TRPC4AP: variants seen among roughly 807,000 people sequenced by gnomAD.
TRPC4AP encodes transient receptor potential cation channel subfamily C member 4 associated protein.
Under a neutral mutation model 99.0 loss-of-function variants are expected in TRPC4AP, and 45 were observed. The ratio of observed to expected loss-of-function variants is 0.45; its 90% CI spans 0.36 to 0.58. The LOEUF is 0.58. Among genes scored for constraint, TRPC4AP ranks in the 20% least tolerant of loss-of-function variants. The probability of loss-of-function intolerance (pLI) is 0.00; values close to 1 mark genes in which losing one functional copy is unlikely to be tolerated. For missense variants in TRPC4AP, 879 were observed against 985.3 expected (o/e 0.89, Z 1.44); for synonymous variants, 408 against 385.8 (o/e 1.06, Z -0.67).
intron 9 of TRPC4AP, 53 bp downstream of exon 9, chr20:35,021,137 G>A (rs112446595): frequency 5.7e-6 from 9 of 1,578,754 alleles, no homozygotes; most frequent in African/African-American, 5.4e-5. Flanking sequence ...CATACCATGA[G>A]CACCCGGGCA....
chr20:35,077,650 C>T (rs2084519214), intron 2 of TRPC4AP, among the ~76,000 whole-genome samples: 1 of 152,208 alleles, frequency 6.6e-6, no homozygotes, highest in Non-Finnish European at 1.5e-5. Flanking sequence ...CCCCTTCAAT[C>T]TTCTTACGTT....
chr20:35,049,893 G>A lies in TRPC4AP; in HGVS notation c.630C>T (p.Leu210=), dbSNP rs776010760. Residue 210 remains leucine, a synonymous_variant, in exon 6 of 19, where the codon CTC becomes CTT. Transcript: ENST00000252015. ...SKKTFLQTAT[L]IEDILGVKKE... is the part of the protein sequence containing the mutation. ...TTTTAACACCCAAAATATCTTCAAT[G>A]AGGGTTGCTGTTTGTAAGAATGTCT... 2 of 1,613,814 alleles carry A rather than the reference G, an allele frequency of 1.2e-6. No homozygotes were observed. Among genetic ancestry groups the A allele is most frequent in the South Asian group, 1.1e-5 (1 of 91,016 alleles).
At chr20:35,059,290 C>T (rs549647129) in intron 3 of TRPC4AP, among the ~76,000 whole-genome samples, 4 of 152,156 alleles carry the variant, frequency 2.6e-5, no homozygotes, top group Non-Finnish European at 5.9e-5. Context: ...CTATGAACAA[C>T]TGTATGCCAA....
intron 6 of TRPC4AP, among the ~76,000 whole-genome samples, chr20:35,047,930 T>C (rs2083597488): frequency 6.6e-6 from 1 of 152,102 alleles, no homozygotes. Context: ...ACAAGATATG[T>C]GCCTGTTCAA....
At chr20:35,055,438 T>C (rs997813466) in intron 4 of TRPC4AP, among the ~76,000 whole-genome samples, 3 of 152,244 alleles carry the variant, frequency 2.0e-5, no homozygotes, top group African/African-American at 7.2e-5. Context: ...ATCCTTTTCA[T>C]GTTTGTATTA....
In TRPC4AP at chr20:35,044,781, C is replaced by T. The variant is rs1160473396; in HGVS notation, c.658-69G>A. On this transcript the variant is annotated intron_variant, in intron 6 of 18. Transcript: ENST00000252015. ...CAAGAGATTGGATGTGCCTCTCTTT[C>T]GCATCCCCTTACATACGGGGCTTAG... 1.7e-5 allele frequency: 25 copies of T among 1,497,750 alleles called. No homozygotes were observed. In the East Asian group the frequency reaches 1.8e-4, roughly 11 times the overall value. The allele number at this position is 1,497,750 out of a possible 1,614,324, so 92.8% of individuals were successfully genotyped here.
In TRPC4AP at chr20:35,035,129, T is replaced by C; in HGVS notation, c.1045A>G (p.Asn349Asp). Residue 349 changes from asparagine (N) to aspartate (D), a missense_variant, in exon 8 of 19, where the codon AAT (asparagine) becomes GAT (aspartate). This residue lies in a region of TRPC4AP where 603 missense variants were observed against 631.8 expected (regional missense o/e 0.95). Transcript: ENST00000252015. ...GGGACCCATCCTTCCATACCTTGAT[T>C]GTGCTCTGACTCCTCATTGGCCACT... ...MRVANEESEH[N>D]QASIVFPPPG... The C allele has an allele frequency of 6.2e-7, 1 of 1,613,550 alleles. No homozygotes were observed. The highest frequency in any genetic ancestry group is 8.5e-7 in the Non-Finnish European group (1 of 1,179,686).
At chr20:35,036,786 T>C (rs2083329142) in intron 7 of TRPC4AP, among the ~76,000 whole-genome samples, 1 of 151,714 alleles carries the variant, frequency 6.6e-6, no homozygotes, top group South Asian at 2.1e-4. Context: ...TCTCTACCAA[T>C]AATACAAAAA....
intron 12 of TRPC4AP, 84 bp downstream of exon 12, chr20:35,010,103 T>C: frequency 9.0e-7 from 1 of 1,111,220 alleles, no homozygotes; most frequent in Non-Finnish European, 1.4e-6. Context: ...CACGCGTGCA[T>C]ACCTGGATGT....
chr20:35,018,124 G>A (rs1296474313), intron 9 of TRPC4AP, among the ~76,000 whole-genome samples: 4 of 152,170 alleles, frequency 2.6e-5, no homozygotes, highest in African/African-American at 9.7e-5. Flanking sequence ...TTCATCCAGT[G>A]CAATTGCCTC....
At chr20:35,055,216 C>A (rs1199931631) in intron 4 of TRPC4AP, among the ~76,000 whole-genome samples, 185 bp from the exon 5 acceptor site, 1 of 152,134 alleles carries the variant, frequency 6.6e-6, no homozygotes, top group Non-Finnish European at 1.5e-5. Context: ...CCTACAAGCC[C>A]ATTTGCATAT....
At chr20:35,070,958 CAA>C (rs2084296347) in intron 2 of TRPC4AP, among the ~76,000 whole-genome samples, 1 of 152,192 alleles carries the variant, frequency 6.6e-6, no homozygotes, top group Non-Finnish European at 1.5e-5. Flanking sequence ...GATCACATAG[CAA>C]AGATATACAA....
At chr20:35,091,471 A>G (rs1324154960) in intron 1 of TRPC4AP, among the ~76,000 whole-genome samples, 1 of 152,096 alleles carries the variant, frequency 6.6e-6, no homozygotes, top group Non-Finnish European at 1.5e-5. Context: ...ATAAAGTTAC[A>G]CTGTGAAAAG....
chr20:35,034,785 G>C (rs1251243959), intron 8 of TRPC4AP, among the ~76,000 whole-genome samples: 1 of 152,112 alleles, frequency 6.6e-6, no homozygotes, highest in Non-Finnish European at 1.5e-5. Flanking sequence ...TGAGAGAGAA[G>C]ACTAAGAAAC....
chr20:35,014,768 T>G (rs1270356471), intron 10 of TRPC4AP, among the ~76,000 whole-genome samples: 1 of 152,094 alleles, frequency 6.6e-6, no homozygotes, highest in African/African-American at 2.4e-5. Flanking sequence ...GGGTGGCACT[T>G]TTAGGTCCCA....
chr20:35,052,343 C>T (rs1339465100), intron 5 of TRPC4AP, among the ~76,000 whole-genome samples: 1 of 152,080 alleles, frequency 6.6e-6, no homozygotes, highest in East Asian at 1.9e-4. Flanking sequence ...ATTCTCCTGC[C>T]TCGGCCTATC....
chr20:35,049,742 C>A, intron 6 of TRPC4AP, 124 bp downstream of exon 6: 1 of 1,166,594 alleles, frequency 8.6e-7, no homozygotes. Flanking sequence ...TACTTGAATA[C>A]ATCTGAGTAA....
At chr20:35,034,292 C>T (rs2083267587) in intron 8 of TRPC4AP, among the ~76,000 whole-genome samples, 1 of 151,954 alleles carries the variant, frequency 6.6e-6, no homozygotes, top group African/African-American at 2.4e-5. Context: ...TGGGCAAATT[C>T]TCAGAGCAGG....
At chr20:35,054,897 T>G (rs2083788969) in intron 5 of TRPC4AP, 79 bp downstream of exon 5, 1 of 1,263,426 alleles carries the variant, frequency 7.9e-7, no homozygotes, top group Non-Finnish European at 1.1e-6. Flanking sequence ...TGTCTGCCAT[T>G]CTACTCGAAT....
Sources: gnomAD v4.1 joint callset for allele counts (sites outside exome capture counted in the v4.1 genomes callset) on GRCh38, gnomAD v4.1.1 for gene constraint, gnomAD v4.1.1 regional missense constraint, MANE v1.5 for transcripts, NCBI Gene and HGNC (gene_info 2026-07-23, HGNC 2026-07-21) for gene names.